The following ARHGAP30 variants were observed in gnomAD, a reference collection of about 807,000 sequenced individuals.
The protein encoded by ARHGAP30 is rho GTPase-activating protein 30.
ARHGAP30 carries 23 observed loss-of-function variants against 72.0 expected under a neutral mutation model. The observed-to-expected ratio is 0.32, with a 90% CI of 0.23 to 0.45. The LOEUF is 0.45. Ranked by LOEUF, ARHGAP30 falls within the 20% of genes least tolerant of loss-of-function variation. The probability of loss-of-function intolerance (pLI) is 1.00; values close to 1 mark genes in which losing one functional copy is unlikely to be tolerated. For missense variants in ARHGAP30, 1,319 were observed against 1,383.4 expected, an observed-to-expected ratio of 0.95 and a Z score of 0.74; for synonymous variants, 576 against 528.2, an observed-to-expected ratio of 1.09 and a Z score of -1.24.
At position 161,058,419 on chromosome 1, in the gene ARHGAP30, G is replaced by A. The variant is rs151280005; in HGVS notation, c.200+1195C>T. On this transcript the variant is annotated intron_variant, in intron 2 of 11. Transcript: ENST00000368013. ...AGGCAGGCAGATCACTTGAGGTCAGGAGTTCAAGAGCAGCCTGGCTAACAT... is the reference window on the plus strand; with the variant it reads ...AGGCAGGCAGATCACTTGAGGTCAGAAGTTCAAGAGCAGCCTGGCTAACAT... Among the ~76,000 whole-genome samples the A allele has an allele frequency of 7.3e-3, 1,113 of 152,156 alleles. 6 individuals are homozygous for A. The highest frequency in any genetic ancestry group is 0.024 in the Middle Eastern group (7 of 294).
At position 161,063,809 on chromosome 1, in the gene ARHGAP30, C is replaced by CA. The variant is rs1486781152; in HGVS notation, c.98-4094_98-4093insT. ...AGGGGTAGGTCTCTGAACGCCCCCC[C>CA]CACCGGGGCGTACCTGTCTCTTATG... On this transcript the variant is annotated intron_variant, in intron 1 of 11. Coordinates refer to ENST00000368013, the MANE Select transcript of ARHGAP30 (RefSeq NM_001025598.2). Among the ~76,000 whole-genome samples, 16 of 152,266 alleles carry CA rather than the reference C, an allele frequency of 1.1e-4. 1 individual carries two copies. In the South Asian group the frequency reaches 3.1e-3, roughly 30 times the overall value.
At chr1:161,057,522 C>T (rs1248975152) in intron 2 of ARHGAP30, among the ~76,000 whole-genome samples, 1 of 152,130 alleles carries the variant, frequency 6.6e-6, no homozygotes, top group Non-Finnish European at 1.5e-5. Context: ...CCTGTAATCC[C>T]CACTACTCAG....
At chr1:161,050,350 G>T (rs1391465704) in intron 10 of ARHGAP30, among the ~76,000 whole-genome samples, 1 of 145,252 alleles carries the variant, frequency 6.9e-6, no homozygotes, top group Non-Finnish European at 1.5e-5. Flanking sequence ...CCAGGCTGGA[G>T]TGCAGTGGCG....
Position 161,048,360 on chromosome 1 carries a change from C to T in ARHGAP30, c.2661G>A (p.Glu887=), listed in dbSNP as rs1379866382. Residue 887 remains glutamate (E), a synonymous_variant, in exon 12 of 12, where the codon GAG becomes GAA. Transcript: ENST00000368013. ...CTGGCTGAGGTGGCTGTGGGGCTACCTCTTCCATCTCAGAAGAGTGAGGAT... is the reference window on the plus strand; with the variant it reads ...CTGGCTGAGGTGGCTGTGGGGCTACTTCTTCCATCTCAGAAGAGTGAGGAT... The part of the protein sequence containing the change: ...EGNPHSSEME[E]VAPQPPQPEE... 20 of 1,614,042 alleles carry T rather than the reference C, an allele frequency of 1.2e-5. No individual in the cohort carries two copies. The highest frequency in any genetic ancestry group is 3.3e-5 in the South Asian group (3 of 91,094).
intron 1 of ARHGAP30, among the ~76,000 whole-genome samples, chr1:161,062,533 A>G (rs1401171032): frequency 6.6e-6 from 1 of 152,050 alleles, no homozygotes; most frequent in Non-Finnish European, 1.5e-5. Context: ...GTTTGAGACC[A>G]GCCTGGCCAA....
chr1:161,063,108 CA>C (rs1652445160), intron 1 of ARHGAP30, among the ~76,000 whole-genome samples: 2 of 152,166 alleles, frequency 1.3e-5, no homozygotes, highest in Non-Finnish European at 2.9e-5. Flanking sequence ...CCACTGCGCC[CA>C]GCCATTCATG....
chr1:161,049,806 A>G (rs1186282839), intron 10 of ARHGAP30, 117 bp from the exon 11 acceptor site: 18 of 1,344,850 alleles, frequency 1.3e-5, no homozygotes, highest in East Asian at 2.4e-5. Flanking sequence ...GCTACTCTGC[A>G]TGACTGATCC....
At position 161,053,487 on chromosome 1, in the gene ARHGAP30, TCTCTCTCTCTCTCTCTCTC is replaced by T. The variant is rs1557923651; in HGVS notation, c.537-121_537-103del. ...TTCTCTCTCTCTCTCTCTCTCTCTC[TCTCTCTCTCTCTCTCTCTC>T]GAATGACCTTAACCCCTTCTCTACC... On this transcript the variant is annotated intron_variant, in intron 5 of 11. Transcript: ENST00000368013. 848 of 1,225,338 alleles carry T rather than the reference TCTCTCTCTCTCTCTCTCTC, an allele frequency of 6.9e-4. 6 individuals carry two copies. The highest frequency in any genetic ancestry group is 4.0e-3 in the African/African-American group (235 of 59,064). 75.9% of individuals were successfully genotyped at this position (1,225,338 alleles called of 1,614,324 possible).
At chr1:161,068,648 A>G (rs1193067089) in intron 1 of ARHGAP30, among the ~76,000 whole-genome samples, 1 of 152,192 alleles carries the variant, frequency 6.6e-6, no homozygotes, top group East Asian at 1.9e-4. Flanking sequence ...CTGGGCAGCC[A>G]GGGTGCCTGG....
rs199913465 is a variant in ARHGAP30 at position 161,069,601 on chromosome 1, C to T, written c.24G>A (p.Lys8=). 8.7e-6 allele frequency: 14 copies of T among 1,611,068 alleles called. No homozygotes were observed. The East Asian group carries it at 2.9e-4, about 33-fold the overall frequency. The change falls in exon 1 of 12, where the codon AAG becomes AAA. Residue 8 remains lysine, a synonymous_variant. Coordinates refer to ENST00000368013, the MANE Select transcript of ARHGAP30 (RefSeq NM_001025598.2). This position sits in a 1 kb window ranked among gnomAD's most constrained non-coding sequence, Gnocchi z 4.9. ...CCCGCTCCTTTGCGCTGCCCTTCTT[C>T]TTTCCTTTCTGCCGAGACTTCATGG... MKSRQKG[K]KKGSAKERVF...
At chr1:161,064,787 GAAA>G (rs1186549161) in intron 1 of ARHGAP30, among the ~76,000 whole-genome samples, 6 of 62,788 alleles carry the variant, frequency 9.6e-5, no homozygotes, top group African/African-American at 5.6e-4. Flanking sequence ...GAAAAAGAAA[GAAA>G]GAAAGAAAGA....
rs1240080710 is a variant in ARHGAP30 at position 161,069,496 on chromosome 1, C to T, written c.97+32G>A. The T allele has an allele frequency of 6.3e-7, 1 of 1,599,654 alleles. No homozygotes were observed. Among genetic ancestry groups the T allele is most frequent in the Non-Finnish European group, 8.5e-7 (1 of 1,175,096 alleles). On this transcript the variant is annotated intron_variant, in intron 1 of 11. Transcript: ENST00000368013. This position sits in a 1 kb window ranked among gnomAD's most constrained non-coding sequence, Gnocchi z 4.9. ...CTGCAGATGCCCAGTGCCTCCCCAC[C>T]CACCCTGCAGAAGCTGAGCCGGCCT...
chr1:161,050,443 C>T (rs950618023), intron 10 of ARHGAP30, among the ~76,000 whole-genome samples: 6 of 151,434 alleles, frequency 4.0e-5, no homozygotes, highest in Non-Finnish European at 5.9e-5. Context: ...GGATTACAGG[C>T]ATGCCTCACC....
intron 10 of ARHGAP30, among the ~76,000 whole-genome samples, chr1:161,050,289 T>C (rs1354150762): frequency 6.7e-6 from 1 of 149,998 alleles, no homozygotes; most frequent in African/African-American, 2.4e-5. Context: ...ATCACAGCAC[T>C]TGGACCTTTT....
At chr1:161,058,198 G>A (rs1652030020) in intron 2 of ARHGAP30, among the ~76,000 whole-genome samples, 2 of 151,744 alleles carry the variant, frequency 1.3e-5, no homozygotes, top group Admixed American at 1.3e-4. Context: ...TGTAATCCCA[G>A]CTACTCGGGA....
chr1:161,062,610 T>C (rs1289098028), intron 1 of ARHGAP30, among the ~76,000 whole-genome samples: 1 of 151,698 alleles, frequency 6.6e-6, no homozygotes, highest in Non-Finnish European at 1.5e-5. Context: ...GTGTCTGTAG[T>C]CCCAGCTACT....
intron 2 of ARHGAP30, among the ~76,000 whole-genome samples, chr1:161,058,641 AT>A (rs60675327): frequency 7.9e-6 from 1 of 125,944 alleles, no homozygotes. Flanking sequence ...AAAAAAAAAA[AT>A]TGAAAAAAAA....
intron 2 of ARHGAP30, among the ~76,000 whole-genome samples, chr1:161,058,996 G>A (rs1444976474): frequency 1.3e-5 from 2 of 151,952 alleles, no homozygotes; most frequent in South Asian, 2.1e-4. Flanking sequence ...ATTTTTAAAT[G>A]GTGAATTTTT....
Position 161,048,883 on chromosome 1 carries a change from G to C in ARHGAP30, c.2138C>G (p.Thr713Arg). Residue 713 changes from threonine (T) to arginine (R), a missense_variant, in exon 12 of 12, where the codon ACA (threonine) becomes AGA (arginine). Coordinates refer to ENST00000368013, the MANE Select transcript of ARHGAP30 (RefSeq NM_001025598.2). ...TTTGGACTTCTCTTCCTTGGCCTCT[G>C]TCTCTTCCCTACTCCCTTCTCTCAA... ...VRLREGSREE[T>R]EAKEEKSKGQ... 6.2e-7 allele frequency: 1 copy of C among 1,613,964 alleles called. No individual in the cohort carries two copies. Among genetic ancestry groups the C allele is most frequent in the Non-Finnish European group, 8.5e-7 (1 of 1,180,010 alleles).
Sources: gnomAD v4.1 joint callset for allele counts (sites outside exome capture counted in the v4.1 genomes callset) on GRCh38, gnomAD v4.1.1 for gene constraint, Gnocchi (gnomAD v3.1) non-coding constraint, MANE v1.5 for transcripts, NCBI Gene and HGNC (gene_info 2026-07-23, HGNC 2026-07-21) for gene names.